Variants in CNTN4 observed in about 807,000 individuals in gnomAD.
CNTN4 encodes the protein contactin 4.
In CNTN4, 77 loss-of-function variants were observed where a neutral mutation model predicts 122.5. That is an observed-to-expected ratio of 0.63 (90% CI 0.52 to 0.76). The LOEUF is 0.76. Ranked by LOEUF, CNTN4 falls within the 30% of genes least tolerant of loss-of-function variation. The pLI is 0.00. For synonymous variants in CNTN4, 512 were observed against 447.0 expected, an observed-to-expected ratio of 1.15 and a Z score of -1.83; for missense variants, 1,256 against 1,259.1, an observed-to-expected ratio of 1.00 and a Z score of 0.04.
intron 4 of CNTN4, among the ~76,000 whole-genome samples, chr3:2,609,517 G>A (rs1352220031): frequency 6.6e-6 from 1 of 152,128 alleles, no homozygotes; most frequent in Non-Finnish European, 1.5e-5. Context: ...ATTTAATATG[G>A]AATCCCAAAC....
chr3:2,115,539 G>T (rs1171943703), intron 2 of CNTN4, among the ~76,000 whole-genome samples: 4 of 152,204 alleles, frequency 2.6e-5, no homozygotes, highest in African/African-American at 9.7e-5. Context: ...GCCTCTTGAG[G>T]CCTGTCCAGG....
intron 3 of CNTN4, among the ~76,000 whole-genome samples, chr3:2,520,324 G>A (rs910290713): frequency 6.9e-5 from 9 of 130,702 alleles, no homozygotes; most frequent in African/African-American, 2.7e-4. Flanking sequence ...CCAGGCTGGA[G>A]TGCAGTGGCA....
intron 4 of CNTN4, among the ~76,000 whole-genome samples, chr3:2,721,174 G>A (rs1403824308): frequency 1.3e-5 from 2 of 152,034 alleles, no homozygotes; most frequent in Admixed American, 1.3e-4. Flanking sequence ...GGTTCACCAT[G>A]TTGGCCAGAC....
At chr3:2,693,965 C>G (rs2085878745) in intron 4 of CNTN4, among the ~76,000 whole-genome samples, 1 of 152,146 alleles carries the variant, frequency 6.6e-6, no homozygotes, top group African/African-American at 2.4e-5. Flanking sequence ...CCTAGCATTT[C>G]TAGGTGCCTT....
rs1156582228 is a variant in CNTN4 at position 2,400,428 on chromosome 3, C to CATACATATATATATAT, written c.-89+61198_-89+61199insCATATATATATATATA. On this transcript the variant is annotated intron_variant, in intron 3 of 24. Transcript: ENST00000418658. ...GAATATATATATATATATATATATACATATATATATATATATATATATCTC... is the reference window on the plus strand; with the variant it reads ...GAATATATATATATATATATATATACATACATATATATATATATATATATATATATATATATATCTC... Among the ~76,000 whole-genome samples, 64 of 95,814 alleles carry CATACATATATATATAT rather than the reference C, an allele frequency of 6.7e-4. 1 individual carries two copies. The highest frequency in any genetic ancestry group is 1.2e-3 in the Admixed American group (10 of 8,648). 62.9% of individuals were successfully genotyped at this position (95,814 alleles called of 152,430 possible).
At position 2,290,956 on chromosome 3, in the gene CNTN4, C is replaced by T. The variant is rs899771642; in HGVS notation, c.-144-48222C>T. Among the ~76,000 whole-genome samples the T allele has an allele frequency of 2.0e-5, 3 of 152,252 alleles. 1 individual carries two copies. In the East Asian group the frequency reaches 5.8e-4, roughly 29 times the overall value. ...TTTAAAATGACATGTGAAAGCCTTACATTATAAATTAAATCACCATCTCAT... is the reference window on the plus strand; with the variant it reads ...TTTAAAATGACATGTGAAAGCCTTATATTATAAATTAAATCACCATCTCAT... On this transcript the variant is annotated intron_variant, in intron 2 of 24. Coordinates refer to ENST00000418658, the MANE Select transcript of CNTN4 (RefSeq NM_175607.3).
At position 2,144,679 on chromosome 3, in the gene CNTN4, A is replaced by G. The variant is rs56269146; in HGVS notation, c.-145+44040A>G. ...CTGACCCCACATCCTAATGTTAATAATGATTCTTAAACCTGGAATTGAGAA... is the reference window on the plus strand; with the variant it reads ...CTGACCCCACATCCTAATGTTAATAGTGATTCTTAAACCTGGAATTGAGAA... On this transcript the variant is annotated intron_variant, in intron 2 of 24. Coordinates refer to ENST00000418658, the MANE Select transcript of CNTN4 (RefSeq NM_175607.3). Among the ~76,000 whole-genome samples, 793 of 152,348 alleles carry G rather than the reference A, an allele frequency of 5.2e-3. 5 individuals carry two copies. The highest frequency in any genetic ancestry group is 8.7e-3 in the Non-Finnish European group (595 of 68,040).
At position 2,282,288 on chromosome 3, in the gene CNTN4, T is replaced by G. The variant is rs17011751; in HGVS notation, c.-144-56890T>G. ...ACAAATATTTAATGATTGGTTTATT[T>G]TGATTGGTCGTAGTTCCATTTTTCT... On this transcript the variant is annotated intron_variant, in intron 2 of 24. Coordinates refer to ENST00000418658, the MANE Select transcript of CNTN4 (RefSeq NM_175607.3). Among the ~76,000 whole-genome samples, 1,232 of 152,266 alleles carry G rather than the reference T, an allele frequency of 8.1e-3. 18 individuals are homozygous for G. Among genetic ancestry groups the G allele is most frequent in the African/African-American group, 0.028 (1,167 of 41,546 alleles).
chr3:2,362,597 C>A, intron 3 of CNTN4: 1 of 509,790 alleles, frequency 2.0e-6, no homozygotes. Flanking sequence ...GACACCTACT[C>A]CTTGTGTGTA....
chr3:3,003,795 G>A (rs1696321049), intron 14 of CNTN4, among the ~76,000 whole-genome samples: 1 of 151,058 alleles, frequency 6.6e-6, no homozygotes, highest in Non-Finnish European at 1.5e-5. Context: ...TGTCACCCAG[G>A]CTGGAGTGCA....
At chr3:2,883,383 A>G (rs2093934709) in intron 9 of CNTN4, 136 bp downstream of exon 9, 1 of 699,260 alleles carries the variant, frequency 1.4e-6, no homozygotes, top group Non-Finnish European at 2.6e-6. Flanking sequence ...AATTCTGTGT[A>G]TGCATCTTGG....
intron 2 of CNTN4, among the ~76,000 whole-genome samples, chr3:2,148,376 A>T (rs1425923726): frequency 6.6e-6 from 1 of 151,408 alleles, no homozygotes; most frequent in East Asian, 1.9e-4. Context: ...TCTACAGAAA[A>T]TAAAAAAAAA....
At chr3:2,951,031 T>G (rs2094736693) in intron 13 of CNTN4, among the ~76,000 whole-genome samples, 1 of 152,202 alleles carries the variant, frequency 6.6e-6, no homozygotes, top group Non-Finnish European at 1.5e-5. Context: ...GAAACCTAAT[T>G]CCCCATCTGT....
At chr3:2,592,384 A>C (rs2080538570) in intron 4 of CNTN4, among the ~76,000 whole-genome samples, 2 of 152,234 alleles carry the variant, frequency 1.3e-5, no homozygotes, top group Admixed American at 1.3e-4. Flanking sequence ...AGTTTTCTGA[A>C]ACTAGAGGGT....
chr3:2,470,502 T>C (rs982870315), intron 3 of CNTN4, among the ~76,000 whole-genome samples: 2 of 152,208 alleles, frequency 1.3e-5, no homozygotes, highest in African/African-American at 4.8e-5. Flanking sequence ...GAGACTCTTG[T>C]GCATTCTGGA....
At chr3:2,435,734 C>T (rs1231050004) in intron 3 of CNTN4, among the ~76,000 whole-genome samples, 1 of 152,172 alleles carries the variant, frequency 6.6e-6, no homozygotes, top group East Asian at 1.9e-4. Context: ...TTAGAAAGCC[C>T]ACTTAAGAAA....
At chr3:2,594,117 T>C (rs868552681) in intron 4 of CNTN4, among the ~76,000 whole-genome samples, 3 of 152,178 alleles carry the variant, frequency 2.0e-5, no homozygotes, top group African/African-American at 7.2e-5. Flanking sequence ...AGGAGATTAT[T>C]TTGGGAGCAT....
At chr3:2,347,332 G>A (rs1342712520) in intron 3 of CNTN4, among the ~76,000 whole-genome samples, 1 of 135,822 alleles carries the variant, frequency 7.4e-6, no homozygotes, top group South Asian at 2.3e-4. Flanking sequence ...TCCCGGAATT[G>A]ACACACGTCA....
chr3:2,147,307 T>G (rs2035291044), intron 2 of CNTN4, among the ~76,000 whole-genome samples: 2 of 152,188 alleles, frequency 1.3e-5, no homozygotes, highest in South Asian at 2.1e-4. Flanking sequence ...TTGGATTTTC[T>G]TGCTATTTCT....
Sources: gnomAD v4.1 joint callset for allele counts (sites outside exome capture counted in the v4.1 genomes callset) on GRCh38, gnomAD v4.1.1 for gene constraint, MANE v1.5 for transcripts, NCBI Gene and HGNC (gene_info 2026-07-23, HGNC 2026-07-21) for gene names.